NCAN: variants seen among roughly 807,000 people sequenced by gnomAD.
NCAN encodes the protein neurocan, also known as neurocan core protein.
Under a neutral mutation model 121.8 loss-of-function variants are expected in NCAN, and 47 were observed. The observed-to-expected ratio is 0.39, with a 90% CI of 0.31 to 0.49. The LOEUF (loss-of-function observed/expected upper bound fraction) is 0.49, where lower values mean the gene tolerates loss of function less well. Ranked by LOEUF, NCAN falls within the 20% of genes least tolerant of loss-of-function variation. NCAN has a pLI of 0.92. For missense variants in NCAN, 1,517 were observed against 1,773.4 expected, an observed-to-expected ratio of 0.86 and a Z score of 2.60; for synonymous variants, 633 against 702.0, an observed-to-expected ratio of 0.90 and a Z score of 1.55.
intron 3 of NCAN, 103 bp from the exon 4 acceptor site, chr19:19,223,918 T>C: frequency 8.1e-7 from 1 of 1,234,354 alleles, no homozygotes. Context: ...CTAGGTCTAT[T>C]ATTATCAGAC....
chr19:19,250,537 C>A lies in NCAN; in HGVS notation c.*626C>A. On this transcript the variant is annotated 3_prime_UTR_variant, in exon 15 of 15. Transcript: ENST00000252575. Reference sequence around the variant, plus strand: ...TTTTTAGGACAACCTCCCTCCATGCCTTCAGAGTTAGGAGTGAGAATGATC... The same window carrying A: ...TTTTTAGGACAACCTCCCTCCATGCATTCAGAGTTAGGAGTGAGAATGATC... 4.0e-6 allele frequency: 1 copy of A among 247,018 alleles called. No individual in the cohort carries two copies. Among genetic ancestry groups the A allele is most frequent in the South Asian group, 5.4e-5 (1 of 18,456 alleles). The allele number at this position is 247,018 out of a possible 1,614,324, so 15.3% of individuals were successfully genotyped here.
chr19:19,217,508 A>C (rs998918503), intron 2 of NCAN, among the ~76,000 whole-genome samples: 20 of 152,212 alleles, frequency 1.3e-4, no homozygotes, highest in Non-Finnish European at 1.2e-4. Flanking sequence ...GGTTATGAAA[A>C]TCAAATGAGC....
At chr19:19,248,185 CT>C (rs1243203807) in intron 13 of NCAN, among the ~76,000 whole-genome samples, 1 of 151,882 alleles carries the variant, frequency 6.6e-6, no homozygotes, top group African/African-American at 2.4e-5. Context: ...TGGCTCATGC[CT>C]TTAATCCCAG....
In NCAN at chr19:19,251,840, A is replaced by G. The variant is rs2060947337; in HGVS notation, c.*1929A>G. On this transcript the variant is annotated 3_prime_UTR_variant, in exon 15 of 15. Transcript: ENST00000252575. ...TAACTCTTCTTAGTTTAAAATAATA[A>G]TAATAACACATCTTTGGTCATCTAT... The G allele has an allele frequency of 6.6e-6, 1 of 151,582 alleles. No homozygotes were observed. Among genetic ancestry groups the G allele is most frequent in the Admixed American group, 6.6e-5 (1 of 15,180 alleles). The allele number at this position is 151,582 out of a possible 1,614,324, so 9.4% of individuals were successfully genotyped here.
At chr19:19,217,461 C>A (rs2060799985) in intron 2 of NCAN, among the ~76,000 whole-genome samples, 1 of 150,896 alleles carries the variant, frequency 6.6e-6, no homozygotes, top group South Asian at 2.1e-4. Flanking sequence ...TTCCTCAACT[C>A]CCCCCAAAGA....
rs778309500 is a variant in NCAN, at chr19:19,224,383, G to T, written c.728G>T (p.Arg243Leu). The T allele has an allele frequency of 6.8e-6, 11 of 1,613,882 alleles. No homozygotes were observed. The Admixed American group carries it at 1.0e-4, about 15-fold the overall frequency. Residue 243 changes from arginine to leucine, a missense_variant, in exon 5 of 15, where the codon CGC becomes CTC. Physicochemically the swap from Arg to Leu is moderately radical, Grantham distance 102. Coordinates refer to ENST00000252575, the MANE Select transcript of NCAN (RefSeq NM_004386.3). ...CCAGGGGTTCGGAGCTATGGGAGGC[G>T]CAACCCACAGGAACTCTACGATGTG... ...SLPGVRSYGR[R>L]NPQELYDVYC...
intron 8 of NCAN, among the ~76,000 whole-genome samples, chr19:19,231,467 T>C (rs550529993): frequency 6.6e-6 from 1 of 152,136 alleles, no homozygotes; most frequent in Non-Finnish European, 1.5e-5. Context: ...TAGCTGGGAT[T>C]GTAGGCGTGC....
rs1403413536 is a variant in NCAN at position 19,222,847 on chromosome 19, G to A, written c.476-1174G>A. Reference sequence around the variant, plus strand: ...ATTTGGGCCGGGCGCGGTGGCTCATGCCTGTAATCCCAGCACTTTGGGAGG... The same window carrying A: ...ATTTGGGCCGGGCGCGGTGGCTCATACCTGTAATCCCAGCACTTTGGGAGG... On this transcript the variant is annotated intron_variant, in intron 3 of 14. Transcript: ENST00000252575. Among the ~76,000 whole-genome samples the A allele has an allele frequency of 2.0e-5, 3 of 151,770 alleles. No individual in the cohort carries two copies. In the East Asian group the frequency reaches 5.9e-4, roughly 30 times the overall value.
rs773530064 is a variant in NCAN at position 19,240,693 on chromosome 19, G to T, written c.3492+8G>T. 5 of 1,613,550 alleles carry T rather than the reference G, an allele frequency of 3.1e-6. No individual in the cohort carries two copies. Among genetic ancestry groups the T allele is most frequent in the Middle Eastern group, 1.6e-4 (1 of 6,082 alleles). On this transcript the variant is annotated splice_region_variant and intron_variant, in intron 12 of 14. Coordinates refer to ENST00000252575, the MANE Select transcript of NCAN (RefSeq NM_004386.3). ...ACGGACAACACCGGGCTGGTGAGTGGCAGGGGCTGCGGGCCTAGGCTGCTG... is the reference window on the plus strand; with the variant it reads ...ACGGACAACACCGGGCTGGTGAGTGTCAGGGGCTGCGGGCCTAGGCTGCTG...
chr19:19,248,025 G>A (rs1406889463), intron 13 of NCAN, among the ~76,000 whole-genome samples: 1 of 152,002 alleles, frequency 6.6e-6, no homozygotes, highest in Non-Finnish European at 1.5e-5. Context: ...GTGCGCACCT[G>A]TAGTCTCAGC....
intron 13 of NCAN, 94 bp downstream of exon 13, chr19:19,245,551 C>A: frequency 1.4e-6 from 2 of 1,426,414 alleles, no homozygotes; most frequent in Non-Finnish European, 1.9e-6. Context: ...AATCATGGCT[C>A]ATCACAGCCT....
Position 19,251,206 on chromosome 19 carries a change from A to G in NCAN, c.*1295A>G, listed in dbSNP as rs2060945069. The G allele has an allele frequency of 6.6e-6, 1 of 152,214 alleles. No homozygotes were observed. The highest frequency in any genetic ancestry group is 1.5e-5 in the Non-Finnish European group (1 of 68,046). The allele number at this position is 152,214 out of a possible 1,614,324, so 9.4% of individuals were successfully genotyped here. ...GATCAGGGTTAAAAAAGCACCGTGG[A>G]GAATGGCCCTCTTCAGGAAAGAAAA... On this transcript the variant is annotated 3_prime_UTR_variant, in exon 15 of 15. Coordinates refer to ENST00000252575, the MANE Select transcript of NCAN (RefSeq NM_004386.3).
rs1031071979 is a variant in NCAN at position 19,241,588 on chromosome 19, A to G, written c.3492+903A>G. Among the ~76,000 whole-genome samples, 9 of 152,144 alleles carry G rather than the reference A, an allele frequency of 5.9e-5. No individual in the cohort carries two copies. The South Asian group carries it at 1.7e-3, about 28-fold the overall frequency. ...CACAGTGGTACGAGCCTGTAGTCTC[A>G]GCTATCGGGAAGCTGAGGCGGGAGG... On this transcript the variant is annotated intron_variant, in intron 12 of 14. Coordinates refer to ENST00000252575, the MANE Select transcript of NCAN (RefSeq NM_004386.3).
intron 3 of NCAN, 62 bp from the exon 4 acceptor site, chr19:19,223,959 G>C (rs1048427461): frequency 2.5e-5 from 36 of 1,451,268 alleles, no homozygotes; most frequent in Admixed American, 7.0e-5. Context: ...CAAGAGGTAG[G>C]TCTGTTCTTG....
chr19:19,247,125 C>T (rs1010815222), intron 13 of NCAN, among the ~76,000 whole-genome samples: 1 of 152,096 alleles, frequency 6.6e-6, no homozygotes, highest in African/African-American at 2.4e-5. Flanking sequence ...CAATGTTGCC[C>T]AGGCTGGAGT....
intron 13 of NCAN, among the ~76,000 whole-genome samples, chr19:19,247,232 A>G (rs2060927664): frequency 6.6e-6 from 1 of 151,864 alleles, no homozygotes. Context: ...CTACGGGTGC[A>G]CACCACCATG....
At chr19:19,222,046 C>T (rs184222213) in intron 3 of NCAN, among the ~76,000 whole-genome samples, 81 of 152,224 alleles carry the variant, frequency 5.3e-4, no homozygotes, top group Non-Finnish European at 4.3e-4. Context: ...CTTAAATTGA[C>T]CTTGGGCAAG....
chr19:19,215,497 A>G (rs2060793193), intron 1 of NCAN, among the ~76,000 whole-genome samples: 1 of 152,098 alleles, frequency 6.6e-6, no homozygotes, highest in South Asian at 2.1e-4. Context: ...ATAATTGTCC[A>G]CTTTATCCCT....
In NCAN at chr19:19,227,874, G is replaced by T. The variant is rs982235526; in HGVS notation, c.2254G>T (p.Gly752Cys). 2 of 1,613,694 alleles carry T rather than the reference G, an allele frequency of 1.2e-6. No homozygotes were observed. Among genetic ancestry groups the T allele is most frequent in the South Asian group, 1.1e-5 (1 of 91,082 alleles). Residue 752 changes from glycine (G) to cysteine (C), a missense_variant, in exon 8 of 15, where the codon GGT becomes TGT. By Grantham distance (159) the Gly-to-Cys change is radical (BLOSUM62 -3). Transcript: ENST00000252575. The surrounding 1 kb of genome is among the most constrained non-coding windows in gnomAD (Gnocchi z 4.2). ...ETATEPTGLR[G>C]IPGSESGVFD... ...TGCCACTGAGCCAACGGGCCTCAGG[G>T]GTATCCCGGGGTCTGAGTCTGGGGT... is the stretch of plus-strand genomic sequence containing the variant.
Sources: gnomAD v4.1 joint callset for allele counts (sites outside exome capture counted in the v4.1 genomes callset) on GRCh38, gnomAD v4.1.1 for gene constraint, Gnocchi (gnomAD v3.1) non-coding constraint, MANE v1.5 for transcripts, NCBI Gene and HGNC (gene_info 2026-07-23, HGNC 2026-07-21) for gene names.